Variants in XRCC5 observed in about 807,000 individuals in gnomAD.
XRCC5 encodes the protein X-ray repair cross complementing 5.
XRCC5 carries 12 observed loss-of-function variants against 95.7 expected under a neutral mutation model. The observed-to-expected ratio is 0.13, with a 90% CI of 0.08 to 0.20. The LOEUF is 0.20. Among genes scored for constraint, XRCC5 ranks in the 10% least tolerant of loss-of-function variants. The pLI is 1.00. For missense variants in XRCC5, 595 were observed against 873.9 expected (o/e 0.68, Z 4.02); for synonymous variants, 281 against 290.3 (o/e 0.97, Z 0.33).
intron 16 of XRCC5, among the ~76,000 whole-genome samples, chr2:216,172,878 AC>A (rs1355527264): frequency 3.3e-5 from 5 of 152,280 alleles, no homozygotes; most frequent in African/African-American, 1.2e-4. Flanking sequence ...TTATCCATGA[AC>A]ATGGAATAGT....
intron 16 of XRCC5, among the ~76,000 whole-genome samples, chr2:216,180,178 A>G (rs1408661722): frequency 6.6e-6 from 1 of 152,200 alleles, no homozygotes; most frequent in Admixed American, 6.5e-5. Flanking sequence ...AAGACATGAG[A>G]CTGGAAGAGA....
chr2:216,161,861 T>G, intron 15 of XRCC5, 118 bp from the exon 16 acceptor site: 2 of 825,406 alleles, frequency 2.4e-6, no homozygotes, highest in Non-Finnish European at 3.9e-6. Context: ...GCCCTTCTCT[T>G]TGTCTTTGGT....
At chr2:216,118,800 C>G (rs538305370) in intron 4 of XRCC5, among the ~76,000 whole-genome samples, 1 of 152,056 alleles carries the variant, frequency 6.6e-6, no homozygotes, top group African/African-American at 2.4e-5. Context: ...CATTTGAGTT[C>G]GGAATCCAGA....
At chr2:216,140,676 G>A (rs1697157326) in intron 12 of XRCC5, among the ~76,000 whole-genome samples, 2 of 152,162 alleles carry the variant, frequency 1.3e-5, no homozygotes, top group South Asian at 4.1e-4. Context: ...AGTAGATTGT[G>A]AAGGAATCAG....
intron 2 of XRCC5, 31 bp from the exon 3 acceptor site, chr2:216,116,628 T>G (rs1330718183): frequency 6.2e-7 from 1 of 1,613,622 alleles, no homozygotes. Flanking sequence ...TGTTCTAATA[T>G]GGTTTTCAGC....
intron 18 of XRCC5, among the ~76,000 whole-genome samples, chr2:216,194,215 A>G (rs551877462): frequency 1.3e-5 from 2 of 152,352 alleles, no homozygotes; most frequent in South Asian, 4.1e-4. Context: ...ATGACACATA[A>G]TGAAACCATT....
At chr2:216,169,290 C>T (rs1689110766) in intron 16 of XRCC5, among the ~76,000 whole-genome samples, 3 of 152,240 alleles carry the variant, frequency 2.0e-5, no homozygotes, top group Non-Finnish European at 4.4e-5. Flanking sequence ...GCAGGGAAGA[C>T]TTGACATTTA....
At chr2:216,125,799 G>T (rs1172613008) in intron 6 of XRCC5, 118 bp from the exon 7 acceptor site, 5 of 789,854 alleles carry the variant, frequency 6.3e-6, no homozygotes, top group Non-Finnish European at 1.0e-5. Context: ...ATCTCCTGCT[G>T]TTTCTCTCTT....
intron 14 of XRCC5, among the ~76,000 whole-genome samples, chr2:216,155,722 A>G (rs1318598908): frequency 6.6e-6 from 1 of 152,232 alleles, no homozygotes; most frequent in Non-Finnish European, 1.5e-5. Flanking sequence ...ATAATAGCCT[A>G]TATCATCTTG....
rs989755512 is a variant in XRCC5, at chr2:216,173,179, G to T, written c.1834+11131G>T. 2.0e-5 allele frequency among the ~76,000 whole-genome samples: 3 copies of T among 151,936 alleles called. 1 individual carries two copies. The highest frequency in any genetic ancestry group is 7.2e-5 in the African/African-American group (3 of 41,380). On this transcript the variant is annotated intron_variant, in intron 16 of 20. Transcript: ENST00000392132. ...ATCATATTGTCTGCAAATAAAGAAA[G>T]CTTTACTTCTTCTTTTATAACTTGT... is the stretch of plus-strand genomic sequence containing the variant.
At chr2:216,123,760 C>T (rs769864911) in intron 6 of XRCC5, among the ~76,000 whole-genome samples, 1 of 152,216 alleles carries the variant, frequency 6.6e-6, no homozygotes, top group Admixed American at 6.5e-5. Flanking sequence ...GAGCCAAGAT[C>T]ATGCCACTGC....
Position 216,126,606 on chromosome 2 carries a change from A to G in XRCC5, c.798+575A>G, listed in dbSNP as rs552121434. On this transcript the variant is annotated intron_variant, in intron 7 of 20. Transcript: ENST00000392132. Reference sequence around the variant, plus strand: ...GAGTAGGAATCTGATGCGTGCCTTCATATAAGCCTCCTTGCCTTTTTCCTT... The same window carrying G: ...GAGTAGGAATCTGATGCGTGCCTTCGTATAAGCCTCCTTGCCTTTTTCCTT... Among the ~76,000 whole-genome samples, 44 of 152,346 alleles carry G rather than the reference A, an allele frequency of 2.9e-4. No homozygotes were observed. In the South Asian group the frequency reaches 2.9e-3, roughly 10 times the overall value.
chr2:216,160,953 C>T (rs767332599), intron 15 of XRCC5, among the ~76,000 whole-genome samples: 1 of 152,014 alleles, frequency 6.6e-6, no homozygotes, highest in East Asian at 1.9e-4. Context: ...TTCAGCCTCC[C>T]GAAGCACTGG....
rs549653161 is a variant in XRCC5 at position 216,124,732 on chromosome 2, G to C, written c.684-1185G>C. On this transcript the variant is annotated intron_variant, in intron 6 of 20. Transcript: ENST00000392132. ...ATTCTCTTTACCACTTTGTAGATCT[G>C]TTTTTTATCTGTACCAAGGAGTTCA... Among the ~76,000 whole-genome samples the C allele has an allele frequency of 3.3e-5, 5 of 151,874 alleles. No homozygotes were observed. In the South Asian group the frequency reaches 6.2e-4, roughly 19 times the overall value.
In XRCC5 at chr2:216,200,943, A is replaced by G. The variant is rs370529062; in HGVS notation, c.2110-3379A>G. Among the ~76,000 whole-genome samples, 193 of 151,096 alleles carry G rather than the reference A, an allele frequency of 1.3e-3. 3 individuals carry two copies. The South Asian group carries it at 0.039, about 31-fold the overall frequency. On this transcript the variant is annotated intron_variant, in intron 19 of 20. Coordinates refer to ENST00000392132, the MANE Select transcript of XRCC5 (RefSeq NM_021141.4). ...CTTGTACATACCACTTGGTGGACATATGTTAAGTGTATTCCTAGGAATTAG... is the reference window on the plus strand; with the variant it reads ...CTTGTACATACCACTTGGTGGACATGTGTTAAGTGTATTCCTAGGAATTAG...
In XRCC5 at chr2:216,202,708, C is replaced by T. The variant is rs186784037; in HGVS notation, c.2110-1614C>T. ...CTTAAAAGAAGATAAATTCCTTATTCGCTCAGTCATAAAAGAAGTTAATGA... is the reference window on the plus strand; with the variant it reads ...CTTAAAAGAAGATAAATTCCTTATTTGCTCAGTCATAAAAGAAGTTAATGA... On this transcript the variant is annotated intron_variant, in intron 19 of 20. Transcript: ENST00000392132. Among the ~76,000 whole-genome samples, 37 of 152,024 alleles carry T rather than the reference C, an allele frequency of 2.4e-4. No homozygotes were observed. The East Asian group carries it at 5.6e-3, about 23-fold the overall frequency.
intron 14 of XRCC5, among the ~76,000 whole-genome samples, chr2:216,153,842 A>G (rs1688793973): frequency 6.6e-6 from 1 of 152,202 alleles, no homozygotes; most frequent in Non-Finnish European, 1.5e-5. Flanking sequence ...ACCTATCTTC[A>G]GCTCGGATTT....
intron 1 of XRCC5, among the ~76,000 whole-genome samples, chr2:216,110,128 A>G (rs1696560551): frequency 6.6e-6 from 1 of 152,204 alleles, no homozygotes; most frequent in South Asian, 2.1e-4. Context: ...TCCTGGTGAA[A>G]TCCGGATTTG....
chr2:216,198,984 T>C (rs1199178327), intron 19 of XRCC5, among the ~76,000 whole-genome samples: 1 of 152,210 alleles, frequency 6.6e-6, no homozygotes, highest in Non-Finnish European at 1.5e-5. Flanking sequence ...TTTCTTTTGG[T>C]TTTAATAGAA....
Sources: gnomAD v4.1 joint callset for allele counts (sites outside exome capture counted in the v4.1 genomes callset) on GRCh38, gnomAD v4.1.1 for gene constraint, MANE v1.5 for transcripts, NCBI Gene and HGNC (gene_info 2026-07-23, HGNC 2026-07-21) for gene names.